Variants in RBFOX1 observed in about 807,000 individuals in gnomAD.
RBFOX1 encodes RNA binding protein fox-1 homolog 1.
A neutral mutation model predicts 57.7 loss-of-function variants in RBFOX1; 8 were observed. The ratio of observed to expected loss-of-function variants is 0.14; its 90% CI spans 0.08 to 0.25. The LOEUF is 0.25. Among genes scored for constraint, RBFOX1 ranks in the 10% least tolerant of loss-of-function variants. The pLI is 1.00. For synonymous variants in RBFOX1, 326 were observed against 222.4 expected, an observed-to-expected ratio of 1.47 and a Z score of -4.15; for missense variants, 611 against 548.5, an observed-to-expected ratio of 1.11 and a Z score of -1.14.
At chr16:6,602,435 A>G (rs142458380) in intron 2 of RBFOX1, among the ~76,000 whole-genome samples, 2 of 152,292 alleles carry the variant, frequency 1.3e-5, no homozygotes, top group African/African-American at 2.4e-5. Flanking sequence ...TCTCTAGAGC[A>G]AGAAGGGAAG....
intron 2 of RBFOX1, among the ~76,000 whole-genome samples, chr16:6,601,687 C>G (rs1567836869): frequency 6.6e-6 from 1 of 152,112 alleles, no homozygotes; most frequent in African/African-American, 2.4e-5. Context: ...GAGGTCAGAT[C>G]TGTAGGAGAG....
intron 4 of RBFOX1, among the ~76,000 whole-genome samples, chr16:5,944,278 T>C (rs2059346467): frequency 6.6e-6 from 1 of 152,344 alleles, no homozygotes; most frequent in Non-Finnish European, 1.5e-5. Context: ...GTTGCTTATC[T>C]CTAGGAATGG....
intron 2 of RBFOX1, among the ~76,000 whole-genome samples, chr16:6,324,222 A>G (rs1457638411): frequency 6.7e-5 from 10 of 148,640 alleles, no homozygotes; most frequent in East Asian, 2.0e-4. Context: ...CCCATTTACA[A>G]GAACTACATA....
intron 4 of RBFOX1, among the ~76,000 whole-genome samples, chr16:7,384,334 C>G (rs571314687): frequency 6.6e-6 from 1 of 152,086 alleles, no homozygotes; most frequent in East Asian, 1.9e-4. Context: ...CTGAAAATTT[C>G]AATATGAAAA....
chr16:7,639,854 C>T (rs1233205705), intron 11 of RBFOX1, among the ~76,000 whole-genome samples: 1 of 152,168 alleles, frequency 6.6e-6, no homozygotes, highest in East Asian at 1.9e-4. Flanking sequence ...CATGCTCTCC[C>T]TGCCACCTCA....
intron 13 of RBFOX1, among the ~76,000 whole-genome samples, chr16:7,675,151 T>C (rs1049548437): frequency 6.6e-6 from 1 of 152,200 alleles, no homozygotes; most frequent in African/African-American, 2.4e-5. Flanking sequence ...TGTATCTTTC[T>C]GTGAACTTTA....
intron 3 of RBFOX1, among the ~76,000 whole-genome samples, chr16:7,030,211 G>A (rs774912241): frequency 6.6e-6 from 1 of 152,184 alleles, no homozygotes; most frequent in African/African-American, 2.4e-5. Context: ...GTTGGATCAT[G>A]ATAGAGAAGG....
chr16:7,250,138 C>T (rs1166723637), intron 4 of RBFOX1, among the ~76,000 whole-genome samples: 1 of 152,038 alleles, frequency 6.6e-6, no homozygotes, highest in Non-Finnish European at 1.5e-5. Flanking sequence ...GTCTTTCAAG[C>T]CTTTTATTGA....
intron 13 of RBFOX1, among the ~76,000 whole-genome samples, chr16:7,671,248 G>A (rs2071335734): frequency 6.6e-6 from 1 of 152,178 alleles, no homozygotes; most frequent in Non-Finnish European, 1.5e-5. Context: ...TTGGACTGTT[G>A]GAATATGCTT....
At chr16:7,013,259 A>C (rs955819629) in intron 3 of RBFOX1, among the ~76,000 whole-genome samples, 1 of 152,168 alleles carries the variant, frequency 6.6e-6, no homozygotes, top group African/African-American at 2.4e-5. Context: ...GTCCCTACTC[A>C]CATAGGACTG....
intron 2 of RBFOX1, among the ~76,000 whole-genome samples, chr16:6,354,023 C>A (rs1245320986): frequency 6.6e-6 from 1 of 152,120 alleles, no homozygotes; most frequent in South Asian, 2.1e-4. Context: ...AGTTGAAGAC[C>A]AGCCTCACCA....
intron 2 of RBFOX1, among the ~76,000 whole-genome samples, chr16:5,585,544 T>C (rs2046802897): frequency 6.6e-6 from 1 of 152,232 alleles, no homozygotes. Flanking sequence ...TGTGTCTTGA[T>C]TGACTTACCT....
intron 4 of RBFOX1, among the ~76,000 whole-genome samples, chr16:7,434,445 C>G (rs971517268): frequency 2.0e-5 from 3 of 151,560 alleles, no homozygotes; most frequent in Non-Finnish European, 4.4e-5. Context: ...GCACTCCAGC[C>G]CGGGCGACAG....
At chr16:5,865,409 A>G (rs769434879) in intron 3 of RBFOX1, among the ~76,000 whole-genome samples, 3 of 152,170 alleles carry the variant, frequency 2.0e-5, no homozygotes, top group African/African-American at 7.2e-5. Flanking sequence ...GAGTTTCCCC[A>G]TGGCTGGGCC....
chr16:5,243,491 A>G (rs1468960587), intron 1 of RBFOX1, among the ~76,000 whole-genome samples: 1 of 152,202 alleles, frequency 6.6e-6, no homozygotes, highest in East Asian at 1.9e-4. Context: ...GGGTGAGACC[A>G]TTCGTGGTGC....
intron 2 of RBFOX1, among the ~76,000 whole-genome samples, chr16:6,515,192 T>C (rs956502453): frequency 1.3e-5 from 2 of 152,236 alleles, no homozygotes; most frequent in Non-Finnish European, 2.9e-5. Flanking sequence ...TCACTCTGGC[T>C]ATACAAGATC....
chr16:7,180,671 C>T (rs975829138), intron 4 of RBFOX1, among the ~76,000 whole-genome samples: 22 of 150,840 alleles, frequency 1.5e-4, no homozygotes, highest in African/African-American at 4.6e-4. Flanking sequence ...AATTAGCTTC[C>T]TCTGCACTCC....
chr16:6,140,873 C>T (rs1035950711), intron 1 of RBFOX1, among the ~76,000 whole-genome samples: 1 of 152,198 alleles, frequency 6.6e-6, no homozygotes, highest in Admixed American at 6.5e-5. Flanking sequence ...ATTTACTACC[C>T]TTTTAATCTG....
At chr16:5,876,133 G>A (rs1251697497) in intron 4 of RBFOX1, among the ~76,000 whole-genome samples, 2 of 151,988 alleles carry the variant, frequency 1.3e-5, no homozygotes, top group East Asian at 1.9e-4. Context: ...GTGAACCACC[G>A]CGCCCGGCCT....
Sources: allele counts gnomAD v4.1 joint callset (sites outside exome capture counted in the v4.1 genomes callset), GRCh38; gene constraint gnomAD v4.1.1; transcripts MANE v1.5; gene names NCBI Gene and HGNC (gene_info 2026-07-23, HGNC 2026-07-21).